ABHD5: variants seen among roughly 807,000 people sequenced by gnomAD.
The protein encoded by ABHD5 is 1-acylglycerol-3-phosphate O-acyltransferase ABHD5.
A neutral mutation model predicts 44.9 loss-of-function variants in ABHD5; 30 were observed. The observed-to-expected ratio is 0.67, with a 90% confidence interval of 0.50 to 0.91. ABHD5 has a LOEUF of 0.91. Ranked by LOEUF, ABHD5 falls within the 40% of genes least tolerant of loss-of-function variation. The pLI is 0.00. For missense variants in ABHD5, 399 were observed against 423.4 expected, an observed-to-expected ratio of 0.94 and a Z score of 0.50; for synonymous variants, 167 against 147.0, an observed-to-expected ratio of 1.14 and a Z score of -0.99.
At position 43,721,591 on chromosome 3, in the gene ABHD5, C is replaced by T. The variant is rs995440647; in HGVS notation, c.*3059C>T. On this transcript the variant is annotated 3_prime_UTR_variant, in exon 7 of 7. Coordinates refer to ENST00000644371, the MANE Select transcript of ABHD5 (RefSeq NM_016006.6). ...AAAAAAAAAAAAAAAAAATTAAGTA[C>T]CTGGCCTGGGTTCCACCTACTTGGG... The T allele has an allele frequency of 2.0e-5, 3 of 150,712 alleles. No homozygotes were observed. The highest frequency in any genetic ancestry group is 4.4e-5 in the Non-Finnish European group (3 of 67,798). The allele number at this position is 150,712 out of a possible 1,614,324, so 9.3% of individuals were successfully genotyped here. A position where few individuals can be genotyped will look rare whatever the true frequency, so the allele number is the denominator to read the frequency against.
intron 3 of ABHD5, among the ~76,000 whole-genome samples, chr3:43,709,113 A>G (rs770222855): frequency 6.6e-6 from 1 of 152,208 alleles, no homozygotes; most frequent in Non-Finnish European, 1.5e-5. Context: ...TATATCCTTA[A>G]TAGACTAGGA....
chr3:43,731,435 C>T (rs1179801023), intron 7 of ABHD5, among the ~76,000 whole-genome samples: 2 of 152,280 alleles, frequency 1.3e-5, no homozygotes, highest in East Asian at 3.9e-4. Context: ...AGAGTGAGAA[C>T]AAAATAACAG....
chr3:43,691,128 G>A, intron 1 of ABHD5, 89 bp downstream of exon 1: 2 of 1,288,200 alleles, frequency 1.6e-6, no homozygotes, highest in South Asian at 4.2e-5. Flanking sequence ...GCACCAAGGA[G>A]TCGCCGCCCG....
chr3:43,700,548 G>C (rs759349223), intron 2 of ABHD5, among the ~76,000 whole-genome samples: 3 of 151,944 alleles, frequency 2.0e-5, no homozygotes, highest in Non-Finnish European at 4.4e-5. Context: ...TATATCCTTA[G>C]GAAGGGATAA....
chr3:43,731,607 G>A (rs574747135), intron 7 of ABHD5, among the ~76,000 whole-genome samples: 2 of 152,198 alleles, frequency 1.3e-5, no homozygotes, highest in East Asian at 3.9e-4. Flanking sequence ...CAAGGCAGGC[G>A]GATCACCTGA....
At chr3:43,713,279 C>T in intron 4 of ABHD5, among the ~76,000 whole-genome samples, 1 of 143,380 alleles carries the variant, frequency 7.0e-6, no homozygotes, top group East Asian at 2.0e-4. Context: ...GCCAAGATCG[C>T]ACCACTATTC....
intron 5 of ABHD5, among the ~76,000 whole-genome samples, chr3:43,716,570 A>G (rs1341423487): frequency 6.6e-6 from 1 of 152,106 alleles, no homozygotes; most frequent in East Asian, 1.9e-4. Flanking sequence ...CAGTCTTTTT[A>G]ATAAAGTAGG....
At chr3:43,693,439 G>T (rs1368754766) in intron 1 of ABHD5, among the ~76,000 whole-genome samples, 1 of 152,144 alleles carries the variant, frequency 6.6e-6, no homozygotes, top group Non-Finnish European at 1.5e-5. Flanking sequence ...CTTTGCCTTG[G>T]AGATAGGAGA....
chr3:43,709,673 GCTGTCTCATTAGTTCTA>G (rs1427254294), intron 3 of ABHD5, among the ~76,000 whole-genome samples: 7 of 152,118 alleles, frequency 4.6e-5, no homozygotes, highest in Non-Finnish European at 1.0e-4. Flanking sequence ...CAACTAGGTG[GCTGTCTCATTAGTTCTA>G]CTCATACCCC....
At chr3:43,700,576 A>ATT (rs35935629) in intron 2 of ABHD5, among the ~76,000 whole-genome samples, 5 of 144,772 alleles carry the variant, frequency 3.5e-5, no homozygotes, top group Non-Finnish European at 4.6e-5. Flanking sequence ...TCTTTCATGA[A>ATT]TTTTTTTTTT....
chr3:43,691,256 T>G, intron 1 of ABHD5: 2 of 389,982 alleles, frequency 5.1e-6, no homozygotes, highest in Non-Finnish European at 4.4e-6. Flanking sequence ...GGCCCCGAGG[T>G]GTCTGAGCCG....
intron 6 of ABHD5, 30 bp downstream of exon 6, chr3:43,717,887 G>C: frequency 6.2e-7 from 1 of 1,613,802 alleles, no homozygotes; most frequent in African/African-American, 1.3e-5. Context: ...TGGGTTTTTA[G>C]GTATAGGTGA....
At chr3:43,695,608 C>T (rs529953668) in intron 1 of ABHD5, among the ~76,000 whole-genome samples, 1 of 152,282 alleles carries the variant, frequency 6.6e-6, no homozygotes, top group Non-Finnish European at 1.5e-5. Context: ...AAACCTCTTT[C>T]ACTGTTTCAT....
chr3:43,723,430 A>G (rs1445080780), downstream of ABHD5, among the ~76,000 whole-genome samples: 3 of 152,236 alleles, frequency 2.0e-5, no homozygotes, highest in Non-Finnish European at 2.9e-5. Flanking sequence ...AAAGCATGAA[A>G]TGAAAAGTTG....
rs370012132 is a variant in ABHD5, at chr3:43,711,570, G to A, written c.507-139G>A. 1.2e-4 allele frequency: 108 copies of A among 900,894 alleles called. 1 individual carries two copies. In the African/African-American group the frequency reaches 1.3e-3, roughly 11 times the overall value. 55.8% of individuals were successfully genotyped at this position (900,894 alleles called of 1,614,324 possible). A position where few individuals can be genotyped will look rare whatever the true frequency, so the allele number is the denominator to read the frequency against. ...TTTACACAGAATAAGAGCATGATACGATCTATTTAGCACTAATCTTTAACG... is the reference window on the plus strand; with the variant it reads ...TTTACACAGAATAAGAGCATGATACAATCTATTTAGCACTAATCTTTAACG... On this transcript the variant is annotated intron_variant, in intron 3 of 6. Transcript: ENST00000644371.
rs1317240749 is a variant in ABHD5 at position 43,702,376 on chromosome 3, T to G, written c.295T>G (p.Cys99Gly). The G allele has an allele frequency of 1.2e-6, 2 of 1,614,238 alleles. No homozygotes were observed. Among genetic ancestry groups the G allele is most frequent in the Admixed American group, 3.3e-5 (2 of 60,024 alleles). ...GLWALNFGDL[C>G]TNRPVYAFDL... ...CTGGGCACTGAATTTTGGAGATCTT[T>G]GCACCAACAGACCTGTCTATGCTTT... Residue 99 changes from cysteine to glycine, a missense_variant, in exon 3 of 7, where the codon TGC becomes GGC. Physicochemically the swap from Cys to Gly is radical, Grantham distance 159. Transcript: ENST00000644371.
chr3:43,716,795 G>A lies in ABHD5; in HGVS notation c.774-876G>A, dbSNP rs77061326. Among the ~76,000 whole-genome samples the A allele has an allele frequency of 8.7e-3, 1,327 of 152,246 alleles. 7 individuals are homozygous for A. The highest frequency in any genetic ancestry group is 0.035 in the South Asian group (169 of 4,822). ...TCTTATTTCATGATTACATGTGTTC[G>A]TGTAGTCCTAGTTTGTTACTTTGAT... is the stretch of plus-strand genomic sequence containing the variant. On this transcript the variant is annotated intron_variant, in intron 5 of 6. Coordinates refer to ENST00000644371, the MANE Select transcript of ABHD5 (RefSeq NM_016006.6).
At chr3:43,728,818 A>G (rs1305091787) in intron 7 of ABHD5, among the ~76,000 whole-genome samples, 1 of 152,198 alleles carries the variant, frequency 6.6e-6, no homozygotes, top group Non-Finnish European at 1.5e-5. Flanking sequence ...AGTGGACACC[A>G]GTGAGCCTTA....
At chr3:43,714,739 T>C (rs868453782) in intron 4 of ABHD5, among the ~76,000 whole-genome samples, 25 of 152,160 alleles carry the variant, frequency 1.6e-4, no homozygotes, top group African/African-American at 5.1e-4. Flanking sequence ...ACTCTTTACT[T>C]CTTATATTAA....
Sources: allele counts gnomAD v4.1 joint callset (sites outside exome capture counted in the v4.1 genomes callset), GRCh38; gene constraint gnomAD v4.1.1; transcripts MANE v1.5; gene names NCBI Gene and HGNC (gene_info 2026-07-23, HGNC 2026-07-21).